GTF2E2: variants seen among roughly 807,000 people sequenced by gnomAD.
GTF2E2 encodes the protein transcription initiation factor IIE subunit beta.
In GTF2E2, 21 loss-of-function variants were observed where a neutral mutation model predicts 40.5. The ratio of observed to expected loss-of-function variants is 0.52; its 90% CI spans 0.37 to 0.75. GTF2E2 has a LOEUF of 0.75. Ranked by LOEUF, GTF2E2 falls within the 30% of genes least tolerant of loss-of-function variation. The pLI is 0.00. For missense variants in GTF2E2, 298 were observed against 338.4 expected (o/e 0.88, Z 0.94); for synonymous variants, 117 against 121.6 (o/e 0.96, Z 0.25).
At chr8:30,650,716 G>T (rs532768750) in intron 2 of GTF2E2, among the ~76,000 whole-genome samples, 3 of 145,476 alleles carry the variant, frequency 2.1e-5, no homozygotes, top group African/African-American at 5.1e-5. Context: ...ACGCTGTCTC[G>T]AAAGAAAACA....
chr8:30,645,613 G>C (rs1380865696), intron 2 of GTF2E2: 1 of 1,515,184 alleles, frequency 6.6e-7, no homozygotes, highest in Non-Finnish European at 8.8e-7. Flanking sequence ...TATAGAAGAT[G>C]AACAAAATCT....
chr8:30,635,274 T>C (rs1469402961), intron 2 of GTF2E2, 151 bp from the exon 3 acceptor site: 1 of 525,376 alleles, frequency 1.9e-6, no homozygotes, highest in African/African-American at 1.9e-5. Flanking sequence ...TACACAATCT[T>C]TGAGTATATA....
intron 3 of GTF2E2, among the ~76,000 whole-genome samples, chr8:30,628,611 G>C (rs1419299949): frequency 6.6e-6 from 1 of 152,186 alleles, no homozygotes; most frequent in African/African-American, 2.4e-5. Context: ...CTAATTTGCT[G>C]CAAGTTTTTA....
chr8:30,616,368 G>A (rs922588999), intron 3 of GTF2E2, among the ~76,000 whole-genome samples: 8 of 152,048 alleles, frequency 5.3e-5, no homozygotes, highest in Non-Finnish European at 7.4e-5. Flanking sequence ...CCTGGGAGGC[G>A]GAGGTTGCAG....
At chr8:30,620,259 AACAC>A (rs916977781) in intron 3 of GTF2E2, among the ~76,000 whole-genome samples, 2 of 52,944 alleles carry the variant, frequency 3.8e-5, no homozygotes, top group Non-Finnish European at 9.0e-5. Context: ...CACACACACA[AACAC>A]ACACACACAC....
chr8:30,643,324 G>C (rs1194669844), intron 2 of GTF2E2, among the ~76,000 whole-genome samples: 1 of 152,116 alleles, frequency 6.6e-6, no homozygotes, highest in Non-Finnish European at 1.5e-5. Context: ...AACAGGTACA[G>C]GTAGAGATGG....
At chr8:30,648,249 C>T (rs904064366) in intron 2 of GTF2E2, among the ~76,000 whole-genome samples, 2 of 152,162 alleles carry the variant, frequency 1.3e-5, no homozygotes, top group Non-Finnish European at 2.9e-5. Flanking sequence ...CAGTATGATA[C>T]CACACCTAAG....
intron 7 of GTF2E2, among the ~76,000 whole-genome samples, chr8:30,579,479 CATG>C (rs2151103619): frequency 6.6e-6 from 1 of 152,258 alleles, no homozygotes; most frequent in East Asian, 1.9e-4. Flanking sequence ...ATTAGCATCA[CATG>C]ATGAAAAAAA....
chr8:30,644,688 C>T (rs1276384068), intron 2 of GTF2E2: 1 of 151,936 alleles, frequency 6.6e-6, no homozygotes, highest in Non-Finnish European at 1.5e-5. Context: ...CTGCTTTAAT[C>T]AAGTTTTAAA....
At chr8:30,653,922 C>G (rs1170567243) in intron 1 of GTF2E2, among the ~76,000 whole-genome samples, 1 of 151,842 alleles carries the variant, frequency 6.6e-6, no homozygotes, top group Non-Finnish European at 1.5e-5. Context: ...TACCTCCTGT[C>G]TACAAAAATA....
chr8:30,604,427 C>T (rs899588824), intron 6 of GTF2E2, among the ~76,000 whole-genome samples: 6 of 152,114 alleles, frequency 3.9e-5, no homozygotes, highest in African/African-American at 1.4e-4. Context: ...TCTATGACTA[C>T]TTCATTAAAA....
chr8:30,579,856 A>G (rs1252636604), intron 7 of GTF2E2, among the ~76,000 whole-genome samples: 3 of 152,218 alleles, frequency 2.0e-5, no homozygotes, highest in Non-Finnish European at 4.4e-5. Flanking sequence ...TTCCTAGAGG[A>G]CCTGAAAGTT....
chr8:30,596,774 C>T (rs1375657593), intron 6 of GTF2E2: 1 of 152,164 alleles, frequency 6.6e-6, no homozygotes, highest in Non-Finnish European at 1.5e-5. Flanking sequence ...GAAATGGGCC[C>T]GCCTTTCCTT....
intron 6 of GTF2E2, among the ~76,000 whole-genome samples, chr8:30,591,802 T>C (rs140180098): frequency 5.3e-4 from 81 of 152,306 alleles, no homozygotes; most frequent in African/African-American, 1.9e-3. Flanking sequence ...TGAAAACACA[T>C]GTCCACACAA....
Position 30,609,260 on chromosome 8 carries a change from C to T in GTF2E2, c.550-2110G>A, listed in dbSNP as rs560048985. 6.2e-3 allele frequency among the ~76,000 whole-genome samples: 462 copies of T among 75,074 alleles called. 2 individuals carry two copies. The highest frequency in any genetic ancestry group is 0.01 in the Non-Finnish European group (399 of 38,322). 49.3% of individuals were successfully genotyped at this position (75,074 alleles called of 152,430 possible). On this transcript the variant is annotated intron_variant, in intron 5 of 7. Coordinates refer to ENST00000355904, the MANE Select transcript of GTF2E2 (RefSeq NM_002095.6). ...CAGCCAGGGCAACAGAAAGAGACTC[C>T]GCCTCAAAAAAAAAAAAAAAGAGAA...
intron 6 of GTF2E2, chr8:30,596,810 T>C (rs949236168): frequency 6.6e-6 from 1 of 152,178 alleles, no homozygotes; most frequent in Admixed American, 6.5e-5. Context: ...TGTGTGGAGG[T>C]TGAGTCAATC....
intron 6 of GTF2E2, among the ~76,000 whole-genome samples, chr8:30,593,258 C>T (rs922072354): frequency 1.3e-5 from 2 of 152,108 alleles, no homozygotes; most frequent in African/African-American, 4.8e-5. Flanking sequence ...TCTATAAATC[C>T]CAATTAGGTC....
At chr8:30,604,152 C>T (rs1430752316) in intron 6 of GTF2E2, among the ~76,000 whole-genome samples, 1 of 151,852 alleles carries the variant, frequency 6.6e-6, no homozygotes, top group Admixed American at 6.6e-5. Flanking sequence ...TTTTTATGAA[C>T]CCAGCATAAT....
At chr8:30,618,077 T>C (rs2151132993) in intron 3 of GTF2E2, among the ~76,000 whole-genome samples, 1 of 152,222 alleles carries the variant, frequency 6.6e-6, no homozygotes, top group Non-Finnish European at 1.5e-5. Flanking sequence ...GGCAGATGGA[T>C]CTTGAGGCCA....
Sources: gnomAD v4.1 joint callset for allele counts (sites outside exome capture counted in the v4.1 genomes callset) on GRCh38, gnomAD v4.1.1 for gene constraint, MANE v1.5 for transcripts, NCBI Gene and HGNC (gene_info 2026-07-23, HGNC 2026-07-21) for gene names.